Variants in HAUS8 observed in about 807,000 individuals in gnomAD.
The protein encoded by HAUS8 is HAUS augmin like complex subunit 8.
A neutral mutation model predicts 42.9 loss-of-function variants in HAUS8; 38 were observed. That is an observed-to-expected ratio of 0.89 (90% CI 0.68 to 1.16). HAUS8 has a LOEUF of 1.16. HAUS8 is among the 50% of genes most tolerant of loss of function. The pLI, the probability that HAUS8 is intolerant of heterozygous loss-of-function variation, is 0.00. For synonymous variants in HAUS8, 199 were observed against 205.8 expected (o/e 0.97, Z 0.28); for missense variants, 494 against 511.6 (o/e 0.97, Z 0.33).
rs763019768 is a variant in HAUS8, at chr19:17,075,399, G to C, written c.24C>G (p.Gly8=). The C allele has an allele frequency of 1.2e-6, 2 of 1,613,864 alleles. No individual in the cohort carries two copies. The highest frequency in any genetic ancestry group is 2.2e-5 in the South Asian group (2 of 91,078). ...CTGCGGAAGCCCCAACTCACCCAGC[G>C]CCTCGCCCCGAGGAATCCGCCATTT... MADSSGR[G]AGKPATGPTN... The change falls in exon 1 of 11, where the codon GGC becomes GGG. Residue 8 remains glycine (G), a synonymous_variant. Coordinates refer to ENST00000253669, the MANE Select transcript of HAUS8 (RefSeq NM_033417.2).
At position 17,071,145 on chromosome 19, in the gene HAUS8, G is replaced by A. The variant is rs373559056; in HGVS notation, c.92-2059C>T. Among the ~76,000 whole-genome samples, 11 of 151,972 alleles carry A rather than the reference G, an allele frequency of 7.2e-5. No homozygotes were observed. In the South Asian group the frequency reaches 8.3e-4, roughly 11 times the overall value. On this transcript the variant is annotated intron_variant, in intron 2 of 10. Coordinates refer to ENST00000253669, the MANE Select transcript of HAUS8 (RefSeq NM_033417.2). ...GTTTGCCTTTGTACTGAAGAGGCCC[G>A]GGGAGAGTGACATGCTCAATGTCAC...
intron 3 of HAUS8, among the ~76,000 whole-genome samples, chr19:17,065,423 G>A (rs759370443): frequency 2.6e-5 from 4 of 152,204 alleles, no homozygotes; most frequent in Non-Finnish European, 5.9e-5. Context: ...CAGAGGCCAA[G>A]AAGAATCTGA....
Position 17,055,892 on chromosome 19 carries a change from G to T in HAUS8, c.756C>A (p.Ile252=). Residue 252 remains isoleucine, a synonymous_variant, in exon 9 of 11, where the codon ATC becomes ATA. Coordinates refer to ENST00000253669, the MANE Select transcript of HAUS8 (RefSeq NM_033417.2). ...GCTGCTGCCCATCTCCCTCCAGGTG[G>T]ATGGACCTCACGGGCAGCTCGTGCC... is the stretch of plus-strand genomic sequence containing the variant. The part of the protein sequence containing the change: ...TTRHELPVRS[I]HLEGDGQQLL... 1 of 1,614,150 alleles carries T rather than the reference G, an allele frequency of 6.2e-7. No homozygotes were observed.
At chr19:17,068,383 G>A (rs1259405133) in intron 3 of HAUS8, among the ~76,000 whole-genome samples, 1 of 152,122 alleles carries the variant, frequency 6.6e-6, no homozygotes, top group African/African-American at 2.4e-5. Context: ...CAAAGTAGCT[G>A]TTTTTAAATA....
chr19:17,053,793 G>T (rs1371499570), intron 9 of HAUS8: 1 of 151,912 alleles, frequency 6.6e-6, no homozygotes, highest in Non-Finnish European at 1.5e-5. Flanking sequence ...ATCCTGAGTA[G>T]CTGGGATTAC....
chr19:17,069,195 G>C, intron 2 of HAUS8, 109 bp from the exon 3 acceptor site: 1 of 917,614 alleles, frequency 1.1e-6, no homozygotes, highest in Middle Eastern at 2.3e-4. Flanking sequence ...TCTCCACTCA[G>C]TGACCAGAAC....
chr19:17,059,948 C>G (rs1365073461), intron 5 of HAUS8, 49 bp downstream of exon 5: 1 of 1,355,346 alleles, frequency 7.4e-7, no homozygotes, highest in Admixed American at 1.7e-5. Flanking sequence ...CCACTGAGAC[C>G]TACTGCAACC....
intron 8 of HAUS8, among the ~76,000 whole-genome samples, chr19:17,058,050 AGTT>A (rs1454641765): frequency 6.6e-6 from 1 of 152,184 alleles, no homozygotes; most frequent in Non-Finnish European, 1.5e-5. Context: ...AATGAATTCC[AGTT>A]GTTTTGCCCA....
At chr19:17,054,136 C>A (rs146161657) in intron 9 of HAUS8, among the ~76,000 whole-genome samples, 1 of 152,062 alleles carries the variant, frequency 6.6e-6, no homozygotes. Context: ...GAGCCAATCC[C>A]ATCAACGCCT....
rs1314580017 is a variant in HAUS8 at position 17,062,747 on chromosome 19, C to T, written c.180G>A (p.Gly60=). ...ATTTCCTTCCACCTTCAGACATCTT[C>T]CCTCGGGTCTGTGACCCATCTCCTG... is the stretch of plus-strand genomic sequence containing the variant. ...APAGDGSQTR[G]KMSEGGRKSS... Residue 60 remains glycine, a synonymous_variant, in exon 4 of 11, where the codon GGG becomes GGA. Coordinates refer to ENST00000253669, the MANE Select transcript of HAUS8 (RefSeq NM_033417.2). The T allele has an allele frequency of 1.2e-6, 2 of 1,614,184 alleles. No homozygotes were observed. Among genetic ancestry groups the T allele is most frequent in the Non-Finnish European group, 1.7e-6 (2 of 1,179,992 alleles).
At chr19:17,067,854 C>A (rs897957163) in intron 3 of HAUS8, among the ~76,000 whole-genome samples, 1 of 152,120 alleles carries the variant, frequency 6.6e-6, no homozygotes, top group African/African-American at 2.4e-5. Flanking sequence ...AGGGAAGAAT[C>A]CAACCTTGAC....
Position 17,073,243 on chromosome 19 carries a change from T to G in HAUS8, c.91+31A>C, listed in dbSNP as rs749385751. The G allele has an allele frequency of 2.5e-6, 4 of 1,587,510 alleles. No homozygotes were observed. The East Asian group carries it at 8.9e-5, about 35-fold the overall frequency. On this transcript the variant is annotated intron_variant, in intron 2 of 10. Coordinates refer to ENST00000253669, the MANE Select transcript of HAUS8 (RefSeq NM_033417.2). ...AGCACGTAATGAAAGAAGAAAACCA[T>G]GTTCCTTAAAGAGATCCTGACACTG... is the stretch of plus-strand genomic sequence containing the variant.
At chr19:17,063,047 G>C (rs2057370001) in intron 3 of HAUS8, among the ~76,000 whole-genome samples, 1 of 152,162 alleles carries the variant, frequency 6.6e-6, no homozygotes, top group Non-Finnish European at 1.5e-5. Context: ...TTTTTTTCTA[G>C]ACACATTTAA....
intron 10 of HAUS8, 61 bp from the exon 11 acceptor site, chr19:17,050,237 G>A: frequency 7.7e-7 from 1 of 1,297,510 alleles, no homozygotes; most frequent in Non-Finnish European, 1.0e-6. Context: ...GCATGTGTGT[G>A]GTGAACGGAG....
chr19:17,063,817 T>C (rs540386172), intron 3 of HAUS8, among the ~76,000 whole-genome samples: 1 of 152,282 alleles, frequency 6.6e-6, no homozygotes, highest in South Asian at 2.1e-4. Context: ...GTCCTCAAAC[T>C]GGGACTTACA....
chr19:17,058,115 TG>T (rs776227517), intron 8 of HAUS8, among the ~76,000 whole-genome samples: 1 of 152,172 alleles, frequency 6.6e-6, no homozygotes, highest in Non-Finnish European at 1.5e-5. Context: ...ACCCACTGGG[TG>T]GGGGGTCCGC....
intron 2 of HAUS8, among the ~76,000 whole-genome samples, chr19:17,069,948 GC>G (rs1310202494): frequency 6.6e-6 from 1 of 151,518 alleles, no homozygotes; most frequent in East Asian, 1.9e-4. Context: ...CAGATAAAGC[GC>G]CCCCCATTCT....
At chr19:17,073,434 TC>T (rs1265100058) in intron 1 of HAUS8, 99 bp from the exon 2 acceptor site, 13 of 1,081,748 alleles carry the variant, frequency 1.2e-5, no homozygotes, top group Non-Finnish European at 1.7e-5. Context: ...GACAGCCCAG[TC>T]CAAGGGCTGC....
intron 9 of HAUS8, among the ~76,000 whole-genome samples, chr19:17,054,434 C>G (rs1599970593): frequency 6.6e-6 from 1 of 152,144 alleles, no homozygotes; most frequent in East Asian, 1.9e-4. Flanking sequence ...GGTAGGAGAT[C>G]ACTTGAGCCC....
Sources: gnomAD v4.1 joint callset for allele counts (sites outside exome capture counted in the v4.1 genomes callset) on GRCh38, gnomAD v4.1.1 for gene constraint, MANE v1.5 for transcripts, NCBI Gene and HGNC (gene_info 2026-07-23, HGNC 2026-07-21) for gene names.